PROS1: variants seen among roughly 807,000 people sequenced by gnomAD.
PROS1 encodes the protein vitamin K-dependent protein S.
Under a neutral mutation model 75.9 loss-of-function variants are expected in PROS1, and 29 were observed. That is an observed-to-expected ratio of 0.38 (90% CI 0.28 to 0.52). PROS1 has a LOEUF of 0.52. Ranked by LOEUF, PROS1 falls within the 20% of genes least tolerant of loss-of-function variation. PROS1 has a pLI of 0.83. For synonymous variants in PROS1, 245 were observed against 280.6 expected, an observed-to-expected ratio of 0.87 and a Z score of 1.27; for missense variants, 680 against 810.3, an observed-to-expected ratio of 0.84 and a Z score of 1.95.
intron 10 of PROS1, among the ~76,000 whole-genome samples, chr3:93,887,266 G>C (rs1026148655): frequency 3.4e-4 from 51 of 152,230 alleles, no homozygotes; most frequent in African/African-American, 1.2e-3. Flanking sequence ...TCACTATTCT[G>C]TTAATTGCAC....
At chr3:93,951,090 C>A (rs1175738144) in intron 1 of PROS1, among the ~76,000 whole-genome samples, 1 of 152,032 alleles carries the variant, frequency 6.6e-6, no homozygotes, top group Non-Finnish European at 1.5e-5. Flanking sequence ...AAATATGGGA[C>A]TATGTGAAAA....
chr3:93,957,096 C>T (rs1309770709), intron 1 of PROS1, among the ~76,000 whole-genome samples: 10 of 151,632 alleles, frequency 6.6e-5, no homozygotes, highest in African/African-American at 1.2e-4. Flanking sequence ...TCTAAAAGTC[C>T]GAAAATATAG....
chr3:93,970,967 C>T (rs569192481), intron 1 of PROS1, among the ~76,000 whole-genome samples: 1 of 152,122 alleles, frequency 6.6e-6, no homozygotes, highest in South Asian at 2.1e-4. Context: ...CTGTGAATAG[C>T]CACTGCACTC....
chr3:93,966,720 T>C (rs1297452083), intron 1 of PROS1, among the ~76,000 whole-genome samples: 2 of 145,126 alleles, frequency 1.4e-5, no homozygotes, highest in African/African-American at 5.2e-5. Flanking sequence ...CTACTAAAAA[T>C]ACAAAAATTA....
chr3:93,916,191 T>TA (rs1223159234), intron 3 of PROS1, among the ~76,000 whole-genome samples: 5 of 152,170 alleles, frequency 3.3e-5, no homozygotes, highest in African/African-American at 1.2e-4. Flanking sequence ...TAAGTAGTTT[T>TA]AGGTCTCGAG....
chr3:93,962,752 T>G (rs1709725917), intron 1 of PROS1, among the ~76,000 whole-genome samples: 1 of 152,194 alleles, frequency 6.6e-6, no homozygotes, highest in South Asian at 2.1e-4. Context: ...AGCAGTGGAC[T>G]CTCAGTGGAC....
At chr3:93,971,064 G>T (rs1709873140) in intron 1 of PROS1, among the ~76,000 whole-genome samples, 2 of 151,946 alleles carry the variant, frequency 1.3e-5, no homozygotes, top group Admixed American at 1.3e-4. Context: ...ATTATAGGCT[G>T]GATAAGGTGG....
chr3:93,945,312 C>T (rs1709368037), intron 1 of PROS1, among the ~76,000 whole-genome samples: 1 of 152,074 alleles, frequency 6.6e-6, no homozygotes, highest in Non-Finnish European at 1.5e-5. Context: ...TTTATGAGGC[C>T]AGCATCATCC....
chr3:93,897,535 A>G (rs1234981014), intron 8 of PROS1, among the ~76,000 whole-genome samples: 3 of 152,100 alleles, frequency 2.0e-5, no homozygotes, highest in Admixed American at 2.0e-4. Context: ...AGATGTTCAC[A>G]CAGCATGGCA....
intron 14 of PROS1, among the ~76,000 whole-genome samples, chr3:93,875,636 A>G (rs1267482784): frequency 1.8e-5 from 2 of 112,456 alleles, no homozygotes; most frequent in Non-Finnish European, 3.5e-5. Flanking sequence ...CTATCTATCT[A>G]TCTATCTATC....
intron 3 of PROS1, among the ~76,000 whole-genome samples, chr3:93,921,430 G>A (rs911807539): frequency 6.6e-6 from 1 of 152,022 alleles, no homozygotes; most frequent in Non-Finnish European, 1.5e-5. Context: ...ATTTTTTAAG[G>A]ACAATATCTT....
intron 3 of PROS1, 101 bp from the exon 4 acceptor site, chr3:93,910,806 G>C: frequency 1.1e-6 from 1 of 922,748 alleles, no homozygotes; most frequent in Middle Eastern, 2.9e-4. Context: ...TTATGCTCCT[G>C]TAGATTCACA....
At chr3:93,935,332 T>A (rs1709166926) in intron 1 of PROS1, among the ~76,000 whole-genome samples, 1 of 152,208 alleles carries the variant, frequency 6.6e-6, no homozygotes, top group Non-Finnish European at 1.5e-5. Flanking sequence ...TTGTCTTTTT[T>A]ATCTCCTACC....
intron 1 of PROS1, among the ~76,000 whole-genome samples, chr3:93,961,166 G>A (rs1709701182): frequency 6.6e-6 from 1 of 152,122 alleles, no homozygotes; most frequent in Admixed American, 6.6e-5. Context: ...AAGAGGAATT[G>A]TCTTTCAAAC....
At chr3:93,945,920 A>G (rs947851901) in intron 1 of PROS1, among the ~76,000 whole-genome samples, 3 of 152,230 alleles carry the variant, frequency 2.0e-5, no homozygotes, top group African/African-American at 7.2e-5. Flanking sequence ...CCCTCGTCTC[A>G]GCCCAAAATC....
chr3:93,909,986 A>C (rs1417409330), intron 4 of PROS1, among the ~76,000 whole-genome samples: 1 of 152,186 alleles, frequency 6.6e-6, no homozygotes, highest in African/African-American at 2.4e-5. Context: ...TCCCTGTGTA[A>C]TTACAAGCAC....
Position 93,896,559 on chromosome 3 carries a change from T to G in PROS1, c.965+17A>C, listed in dbSNP as rs181703512. 198 of 1,547,734 alleles carry G rather than the reference T, an allele frequency of 1.3e-4. 1 individual carries two copies. In the African/African-American group the frequency reaches 2.4e-3, roughly 19 times the overall value. On this transcript the variant is annotated intron_variant, in intron 9 of 14. Transcript: ENST00000394236. ...CTGCTTAACCTCTAGAAATTATCAT[T>G]GGTATTGGTTCCTCACCTGCTGATT...
chr3:93,971,071 G>T (rs554233703), intron 1 of PROS1, among the ~76,000 whole-genome samples: 3 of 152,138 alleles, frequency 2.0e-5, no homozygotes, highest in African/African-American at 7.2e-5. Flanking sequence ...GCTGGATAAG[G>T]TGGCTCACTC....
intron 12 of PROS1, among the ~76,000 whole-genome samples, chr3:93,880,527 A>G (rs992583128): frequency 6.6e-6 from 1 of 152,140 alleles, no homozygotes; most frequent in Non-Finnish European, 1.5e-5. Context: ...GAATGTTTAT[A>G]TGTAATCATT....
Sources: allele counts gnomAD v4.1 joint callset (sites outside exome capture counted in the v4.1 genomes callset), GRCh38; gene constraint gnomAD v4.1.1; transcripts MANE v1.5; gene names NCBI Gene and HGNC (gene_info 2026-07-23, HGNC 2026-07-21).